The following TTC6 variants were observed in gnomAD, a reference collection of about 807,000 sequenced individuals.
TTC6 encodes tetratricopeptide repeat domain 6, also known as tetratricopeptide repeat protein 6.
Under a neutral mutation model 210.4 loss-of-function variants are expected in TTC6, and 172 were observed. That is an observed-to-expected ratio of 0.82 (90% CI 0.72 to 0.93). The LOEUF (loss-of-function observed/expected upper bound fraction) is 0.93, where lower values mean the gene tolerates loss of function less well. TTC6 is among the 40% of genes least tolerant of loss of function. The pLI is 0.00. For missense variants in TTC6, 2,414 were observed against 2,318.1 expected (o/e 1.04, Z -0.85); for synonymous variants, 804 against 819.6 (o/e 0.98, Z 0.32).
Position 37,698,406 on chromosome 14 carries a change from A to G in TTC6, c.1376+1571A>G, listed in dbSNP as rs112135423. Among the ~76,000 whole-genome samples the G allele has an allele frequency of 1.3e-5, 2 of 152,308 alleles. 1 individual carries two copies. Among genetic ancestry groups the G allele is most frequent in the African/African-American group, 4.8e-5 (2 of 41,572 alleles). ...TTTTAAAGAAAATATAAAAATCAGT[A>G]ATGTAATCTCAAACACATTCCACTA... On this transcript the variant is annotated intron_variant, in intron 4 of 30. Transcript: ENST00000553443.
At position 37,648,247 on chromosome 14, in the gene TTC6, G is replaced by A. The variant is rs141891142; in HGVS notation, c.939+25244G>A. Among the ~76,000 whole-genome samples the A allele has an allele frequency of 2.2e-3, 335 of 152,242 alleles. 1 individual carries two copies. Among genetic ancestry groups the A allele is most frequent in the African/African-American group, 7.7e-3 (319 of 41,550 alleles). ...AAGGCTGCTAGAGTTTTACCACTAA[G>A]CATGTTGTTCACTATAGCTTTATGA... On this transcript the variant is annotated intron_variant, in intron 1 of 30. Transcript: ENST00000553443.
At chr14:37,837,579 A>G in intron 29 of TTC6, 5 of 290,178 alleles carry the variant, frequency 1.7e-5, no homozygotes, top group South Asian at 1.4e-4. Flanking sequence ...ACTGGGAAAA[A>G]CATGATATAT....
intron 20 of TTC6, among the ~76,000 whole-genome samples, chr14:37,798,735 A>G (rs1039000289): frequency 2.6e-5 from 4 of 152,104 alleles, no homozygotes; most frequent in Non-Finnish European, 4.4e-5. Flanking sequence ...ATTTTTGTAG[A>G]TAATTTAAAC....
rs1452821660 is a variant in TTC6, at chr14:37,823,732, T to G, written c.4764-15T>G. 6.2e-7 allele frequency: 1 copy of G among 1,608,846 alleles called. No homozygotes were observed. The highest frequency in any genetic ancestry group is 8.5e-7 in the Non-Finnish European group (1 of 1,176,218). ...CAGTTCACCAGAAGGCATCAATATT[T>G]TTATTTATTTGCAGAATTAATGAGT... On this transcript the variant is annotated splice_polypyrimidine_tract_variant and intron_variant, in intron 26 of 30. Transcript: ENST00000553443.
chr14:37,704,704 T>C (rs989448460), intron 5 of TTC6, among the ~76,000 whole-genome samples: 1 of 152,050 alleles, frequency 6.6e-6, no homozygotes, highest in African/African-American at 2.4e-5. Context: ...TGTTTTATGC[T>C]ATCAGAAATT....
intron 1 of TTC6, among the ~76,000 whole-genome samples, chr14:37,673,410 C>G (rs1312136025): frequency 6.6e-6 from 1 of 152,114 alleles, no homozygotes; most frequent in Non-Finnish European, 1.5e-5. Flanking sequence ...AGTAAGTTAT[C>G]TAAAGGCAGT....
At chr14:37,758,726 T>C (rs2095975149) in intron 14 of TTC6, among the ~76,000 whole-genome samples, 1 of 152,232 alleles carries the variant, frequency 6.6e-6, no homozygotes, top group African/African-American at 2.4e-5. Context: ...TATCCTGTCA[T>C]CATGATGCTA....
At chr14:37,711,760 G>C (rs1380518678) in intron 5 of TTC6, among the ~76,000 whole-genome samples, 2 of 152,026 alleles carry the variant, frequency 1.3e-5, no homozygotes, top group Non-Finnish European at 2.9e-5. Context: ...GGGATATGTG[G>C]CTTGGATTGA....
chr14:37,663,945 G>GCAATAAAAT (rs1555384823), intron 1 of TTC6, among the ~76,000 whole-genome samples: 23 of 148,936 alleles, frequency 1.5e-4, no homozygotes, highest in South Asian at 2.1e-4. Context: ...TAGCTAATAA[G>GCAATAAAAT]GGAAGTGAAG....
chr14:37,678,659 T>C (rs2095775756), intron 1 of TTC6, among the ~76,000 whole-genome samples: 1 of 152,198 alleles, frequency 6.6e-6, no homozygotes, highest in South Asian at 2.1e-4. Context: ...AGAAATCAGG[T>C]AATTGTAGCT....
chr14:37,697,874 G>C (rs2095817722), intron 4 of TTC6, among the ~76,000 whole-genome samples: 1 of 152,040 alleles, frequency 6.6e-6, no homozygotes, highest in Non-Finnish European at 1.5e-5. Flanking sequence ...CTTGCATTTA[G>C]TGCATTAAGC....
chr14:37,604,301 C>T lies in TTC6; in HGVS notation c.-234-2362C>T, dbSNP rs1381659385. On this transcript the variant is annotated intron_variant, in intron 1 of 2. Coordinates refer to the TTC6 transcript ENST00000556845. ...AGTGATGGATGACAAAAGAAAAGCA[C>T]CATCCGAAGGAGATCCAGAGACTGC... 2.0e-5 allele frequency among the ~76,000 whole-genome samples: 3 copies of T among 152,178 alleles called. No homozygotes were observed. In the East Asian group the frequency reaches 5.8e-4, roughly 29 times the overall value.
In TTC6 at chr14:37,747,156, G is replaced by A. The variant is rs192268734; in HGVS notation, c.2364-1783G>A. ...CTGAACATCATTCCCTGCTAACACT[G>A]GTGATATTTGACAAATTTTTATACC... On this transcript the variant is annotated intron_variant, in intron 10 of 30. Coordinates refer to ENST00000553443, the Ensembl canonical transcript of TTC6. Among the ~76,000 whole-genome samples, 10 of 152,168 alleles carry A rather than the reference G, an allele frequency of 6.6e-5. No individual in the cohort carries two copies. The East Asian group carries it at 1.9e-3, about 29-fold the overall frequency.
intron 29 of TTC6, chr14:37,827,657 C>T (rs1007030576): frequency 2.8e-5 from 7 of 245,842 alleles, no homozygotes; most frequent in Admixed American, 1.1e-4. Flanking sequence ...TACAACAAAT[C>T]GCACATATTT....
intron 29 of TTC6, among the ~76,000 whole-genome samples, chr14:37,835,757 A>C (rs2096196379): frequency 6.6e-6 from 1 of 152,206 alleles, no homozygotes; most frequent in South Asian, 2.1e-4. Flanking sequence ...GTGTAACAAC[A>C]TTAAGTCCTC....
chr14:37,814,515 T>A (rs889369252), intron 25 of TTC6, among the ~76,000 whole-genome samples: 17 of 152,098 alleles, frequency 1.1e-4, no homozygotes, highest in African/African-American at 4.1e-4. Flanking sequence ...AATGATAATA[T>A]AGAAGACCAA....
At chr14:37,753,280 T>G in intron 14 of TTC6, 45 bp downstream of exon 16, 1 of 1,440,730 alleles carries the variant, frequency 6.9e-7, no homozygotes, top group Non-Finnish European at 9.3e-7. Context: ...TACTATTATT[T>G]GAAATACATT....
At chr14:37,664,814 A>T (rs918874308) in intron 1 of TTC6, among the ~76,000 whole-genome samples, 1 of 150,626 alleles carries the variant, frequency 6.6e-6, no homozygotes, top group Non-Finnish European at 1.5e-5. Flanking sequence ...AAAAACAAAC[A>T]ACCCCATTAA....
At chr14:37,656,649 G>A (rs2095724060) in intron 1 of TTC6, among the ~76,000 whole-genome samples, 1 of 151,896 alleles carries the variant, frequency 6.6e-6, no homozygotes, top group South Asian at 2.1e-4. Context: ...GGTTATAATG[G>A]TTAAGAGGCT....
Sources: gnomAD v4.1 joint callset for allele counts (sites outside exome capture counted in the v4.1 genomes callset) on GRCh38, gnomAD v4.1.1 for gene constraint, MANE v1.5 for transcripts, NCBI Gene and HGNC (gene_info 2026-07-23, HGNC 2026-07-21) for gene names.